The following NAP1L1 variants were observed in gnomAD, a reference collection of about 807,000 sequenced individuals.
NAP1L1 encodes nucleosome assembly protein 1 like 1, also known as nucleosome assembly protein 1-like 1.
Under a neutral mutation model 58.9 loss-of-function variants are expected in NAP1L1, and 9 were observed. The ratio of observed to expected loss-of-function variants is 0.15; its 90% CI spans 0.09 to 0.27. The LOEUF is 0.27. Among genes scored for constraint, NAP1L1 ranks in the 10% least tolerant of loss-of-function variants. The pLI is 1.00. For missense variants in NAP1L1, 302 were observed against 458.8 expected (o/e 0.66, Z 3.12); for synonymous variants, 130 against 138.3 (o/e 0.94, Z 0.42).
Position 76,073,985 on chromosome 12 carries a change from T to G in NAP1L1, c.17+218A>C, listed in dbSNP as rs1950078934. ...TTCTTAAAAATAGTGACAAATGGTT[T>G]AGTATATACGATGGTTTCGAATATA... is the stretch of plus-strand genomic sequence containing the variant. On this transcript the variant is annotated intron_variant, in intron 2 of 14. Transcript: ENST00000618691. 4 of 428,184 alleles carry G rather than the reference T, an allele frequency of 9.3e-6. No individual in the cohort carries two copies. The South Asian group carries it at 2.2e-4, about 24-fold the overall frequency. The allele number at this position is 428,184 out of a possible 1,614,324, so 26.5% of individuals were successfully genotyped here.
intron 2 of NAP1L1, among the ~76,000 whole-genome samples, chr12:76,070,964 G>A (rs532430297): frequency 3.9e-5 from 6 of 152,146 alleles, no homozygotes; most frequent in Non-Finnish European, 5.9e-5. Flanking sequence ...GAGGCCAGGA[G>A]TTCAAGACCA....
In NAP1L1 at chr12:76,047,480, T is replaced by C. The variant is rs1270456616; in HGVS notation, c.*949A>G. ...TTAGTATAGCATCTCGTTCCAAAGC[T>C]GGTACCTTTTCTTCAACAATGTGTT... is the stretch of plus-strand genomic sequence containing the variant. On this transcript the variant is annotated 3_prime_UTR_variant, in exon 15 of 15. Coordinates refer to ENST00000618691, the MANE Select transcript of NAP1L1 (RefSeq NM_004537.7). The C allele has an allele frequency of 6.6e-6, 1 of 151,262 alleles. No homozygotes were observed. Among genetic ancestry groups the C allele is most frequent in the Non-Finnish European group, 1.5e-5 (1 of 67,704 alleles). The allele number at this position is 151,262 out of a possible 1,614,324, so 9.4% of individuals were successfully genotyped here.
Position 76,055,025 on chromosome 12 carries a change from C to T in NAP1L1, c.624G>A (p.Gln208=), listed in dbSNP as rs1949016759. The change falls in exon 8 of 15, where the codon CAG becomes CAA. Residue 208 remains glutamine, a synonymous_variant. Transcript: ENST00000618691. ...DIKVKFSDAG[Q]PMSFVLEFHF... ...TATTTCAAAGTTCTTTTACCATAGG[C>T]TGGCCAGCATCTGAGAACTTCACTT... 3 of 1,603,484 alleles carry T rather than the reference C, an allele frequency of 1.9e-6. No individual in the cohort carries two copies. The highest frequency in any genetic ancestry group is 1.7e-5 in the Admixed American group (1 of 59,024).
intron 4 of NAP1L1, among the ~76,000 whole-genome samples, chr12:76,062,749 A>T (rs373302206): frequency 1.3e-5 from 2 of 152,362 alleles, no homozygotes; most frequent in East Asian, 3.9e-4. Flanking sequence ...GGACGACAAA[A>T]GTAGCAATAG....
chr12:76,074,187 A>C lies in NAP1L1; in HGVS notation c.17+16T>G, dbSNP rs1565744863. 1 of 1,588,710 alleles carries C rather than the reference A, an allele frequency of 6.3e-7. No individual in the cohort carries two copies. Among genetic ancestry groups the C allele is most frequent in the East Asian group, 2.3e-5 (1 of 44,312 alleles). On this transcript the variant is annotated intron_variant, in intron 2 of 14. Transcript: ENST00000618691. ...ATGCCAAATCTCTGAAAAAGAACCAACTCTCTGCCACTTACTTGTCAATGT... is the reference window on the plus strand; with the variant it reads ...ATGCCAAATCTCTGAAAAAGAACCACCTCTCTGCCACTTACTTGTCAATGT...
chr12:76,068,780 TAG>T, intron 3 of NAP1L1, 127 bp downstream of exon 3: 2 of 400,588 alleles, frequency 5.0e-6, no homozygotes, highest in Non-Finnish European at 8.8e-6. Flanking sequence ...ACACACACAC[TAG>T]AAGTATGGAC....
At chr12:76,061,208 A>G in intron 4 of NAP1L1, 1 of 187,436 alleles carries the variant, frequency 5.3e-6, no homozygotes, top group East Asian at 1.7e-4. Context: ...AAGGTTTGCT[A>G]TACAGATTAT....
chr12:76,074,058 T>G lies in NAP1L1; in HGVS notation c.17+145A>C, dbSNP rs115562782. 1,627 of 677,958 alleles carry G rather than the reference T, an allele frequency of 2.4e-3. 17 individuals are homozygous for G. The African/African-American group carries it at 0.027, about 11-fold the overall frequency. 42.0% of individuals were successfully genotyped at this position (677,958 alleles called of 1,614,324 possible). On this transcript the variant is annotated intron_variant, in intron 2 of 14. Coordinates refer to ENST00000618691, the MANE Select transcript of NAP1L1 (RefSeq NM_004537.7). Reference sequence around the variant, plus strand: ...CATATATTCTATATTTTACCTTGAATACACTGCACTAGACTTTTGTAAAAG... The same window carrying G: ...CATATATTCTATATTTTACCTTGAAGACACTGCACTAGACTTTTGTAAAAG...
intron 6 of NAP1L1, chr12:76,057,606 A>T: frequency 8.6e-7 from 1 of 1,161,010 alleles, no homozygotes; most frequent in East Asian, 2.4e-5. Context: ...GAGCCAAGTT[A>T]GATGCTGATT....
At chr12:76,050,143 C>T (rs1948752158) in intron 12 of NAP1L1, among the ~76,000 whole-genome samples, 1 of 152,142 alleles carries the variant, frequency 6.6e-6, no homozygotes, top group African/African-American at 2.4e-5. Context: ...CTATATGCAA[C>T]CTAATCTTAA....
chr12:76,078,634 G>A (rs2137108697), intron 1 of NAP1L1, among the ~76,000 whole-genome samples: 1 of 152,196 alleles, frequency 6.6e-6, no homozygotes, highest in South Asian at 2.1e-4. Flanking sequence ...AACAAAATTT[G>A]GAAAACTAGA....
At chr12:76,051,018 AAAG>A (rs1948800701) in intron 11 of NAP1L1, among the ~76,000 whole-genome samples, 2 of 151,924 alleles carry the variant, frequency 1.3e-5, no homozygotes, top group South Asian at 4.2e-4. Flanking sequence ...AAAAAAAAAA[AAAG>A]ACAGACTCTT....
chr12:76,054,563 T>C (rs1044909038), intron 8 of NAP1L1, among the ~76,000 whole-genome samples: 3 of 152,188 alleles, frequency 2.0e-5, no homozygotes, highest in Non-Finnish European at 2.9e-5. Flanking sequence ...TTTTAAATAG[T>C]AGACTAAACG....
chr12:76,037,518 C>G lies in NAP1L1; in HGVS notation c.*10911G>C, dbSNP rs529365249. 1 of 152,244 alleles carries G rather than the reference C, an allele frequency of 6.6e-6. No homozygotes were observed. The highest frequency in any genetic ancestry group is 2.4e-5 in the African/African-American group (1 of 41,448). 9.4% of individuals were successfully genotyped at this position (152,244 alleles called of 1,614,324 possible). ...CATACACATGGCCTTCAGTTTTACT[C>G]TTAAAACATGACAGAAAACTTCTAT... On this transcript the variant is annotated 3_prime_UTR_variant, in exon 15 of 15. Transcript: ENST00000618691.
rs569050577 is a variant in NAP1L1 at position 76,042,612 on chromosome 12, G to A, written c.*5817C>T. 4.6e-5 allele frequency: 7 copies of A among 152,218 alleles called. No individual in the cohort carries two copies. Among genetic ancestry groups the A allele is most frequent in the South Asian group, 2.1e-4 (1 of 4,822 alleles). 9.4% of individuals were successfully genotyped at this position (152,218 alleles called of 1,614,324 possible). ...CTTATTTGAAAATAATTACAAATACGGACGGCAGTAGCAGTAGGAAAAATA... is the reference window on the plus strand; with the variant it reads ...CTTATTTGAAAATAATTACAAATACAGACGGCAGTAGCAGTAGGAAAAATA... On this transcript the variant is annotated 3_prime_UTR_variant, in exon 15 of 15. Coordinates refer to ENST00000618691, the MANE Select transcript of NAP1L1 (RefSeq NM_004537.7).
intron 13 of NAP1L1, 127 bp downstream of exon 13, chr12:76,049,629 T>G: frequency 6.6e-7 from 1 of 1,525,028 alleles, no homozygotes; most frequent in East Asian, 2.3e-5. Flanking sequence ...AATTCTAAAA[T>G]CATGTTTTCC....
chr12:76,061,184 TA>T (rs1473066834), intron 4 of NAP1L1: 1 of 228,272 alleles, frequency 4.4e-6, no homozygotes, highest in African/African-American at 2.3e-5. Context: ...ATTTTAGGTT[TA>T]GGGGTGTATG....
chr12:76,083,422 T>C (rs1243329585), intron 1 of NAP1L1, among the ~76,000 whole-genome samples: 1 of 147,804 alleles, frequency 6.8e-6, no homozygotes, highest in East Asian at 2.0e-4. Flanking sequence ...ACACTAGAAC[T>C]GTCTTGGGCC....
intron 1 of NAP1L1, among the ~76,000 whole-genome samples, chr12:76,079,012 C>CAT (rs761513778): frequency 7.2e-5 from 11 of 151,828 alleles, no homozygotes; most frequent in African/African-American, 2.7e-4. Context: ...CACACACACA[C>CAT]ATATATTTAT....
Sources: gnomAD v4.1 joint callset for allele counts (sites outside exome capture counted in the v4.1 genomes callset) on GRCh38, gnomAD v4.1.1 for gene constraint, MANE v1.5 for transcripts, NCBI Gene and HGNC (gene_info 2026-07-23, HGNC 2026-07-21) for gene names.